The following SLC5A6 variants were observed in gnomAD, a reference collection of about 807,000 sequenced individuals.
SLC5A6 encodes the protein solute carrier family 5 member 6.
Under a neutral mutation model 67.9 loss-of-function variants are expected in SLC5A6, and 31 were observed. That is an observed-to-expected ratio of 0.46 (90% confidence interval 0.34 to 0.62). The LOEUF (loss-of-function observed/expected upper bound fraction) is 0.62, where lower values mean the gene tolerates loss of function less well. Ranked by LOEUF, SLC5A6 falls within the 20% of genes least tolerant of loss-of-function variation. The pLI is 0.01. For missense variants in SLC5A6, 673 were observed against 812.8 expected (o/e 0.83, Z 2.09); for synonymous variants, 343 against 331.0 (o/e 1.04, Z -0.39).
intron 16 of SLC5A6, 25 bp from the exon 17 acceptor site, chr2:27,200,604 G>A (rs1218364289): frequency 1.9e-6 from 3 of 1,601,090 alleles, no homozygotes; most frequent in East Asian, 2.2e-5. Context: ...CCAAAGGGGT[G>A]GAACTGGTGA....
chr2:27,212,247 G>A lies in SLC5A6; in HGVS notation c.-435C>T, dbSNP rs780271572. 5 of 1,560,722 alleles carry A rather than the reference G, an allele frequency of 3.2e-6. No homozygotes were observed. The highest frequency in any genetic ancestry group is 3.5e-4 in the Middle Eastern group (2 of 5,764). On this transcript the variant is annotated 5_prime_UTR_variant, in exon 1 of 17. Coordinates refer to ENST00000310574, the MANE Select transcript of SLC5A6 (RefSeq NM_021095.4). ...CTCCACGAGCAGGAAAAGCCCCCAA[G>A]CAGCCCCAGGGCGACTGGACCGGGC...
At chr2:27,212,318 G>C (rs201210592), upstream of SLC5A6, 3 of 1,549,188 alleles carry the variant, frequency 1.9e-6, no homozygotes, top group South Asian at 1.2e-5. Flanking sequence ...GCTGCGGGGC[G>C]GGGCCGCGGG....
chr2:27,201,961 G>A (rs778821154), intron 13 of SLC5A6, 27 bp downstream of exon 13: 1 of 1,608,064 alleles, frequency 6.2e-7, no homozygotes, highest in South Asian at 1.1e-5. Flanking sequence ...TGCTACACAT[G>A]ACTGTGGATC....
chr2:27,204,728 A>G (rs755092651), intron 8 of SLC5A6, 63 bp downstream of exon 8: 12 of 1,607,040 alleles, frequency 7.5e-6, no homozygotes, highest in African/African-American at 2.7e-5. Flanking sequence ...CCCCACCCCA[A>G]TTATCTCTGG....
chr2:27,202,855 T>C lies in SLC5A6; in HGVS notation c.1233A>G (p.Leu411=). 1.9e-6 allele frequency: 3 copies of C among 1,613,970 alleles called. No individual in the cohort carries two copies. Among genetic ancestry groups the C allele is most frequent in the Middle Eastern group, 1.7e-4 (1 of 6,060 alleles). ...GLAFGYGLLC[L]GMAYISSQMG... ...TCTGGGAGGAAATATAGGCCATTCC[T>C]AGACAAAGCAGCCCATAGCCAAAGG... Residue 411 remains leucine (L), a synonymous_variant, in exon 12 of 17, where the codon CTA becomes CTG. Transcript: ENST00000310574.
chr2:27,201,496 G>C (rs779357206), intron 14 of SLC5A6, 43 bp from the exon 15 acceptor site: 1 of 1,417,916 alleles, frequency 7.1e-7, no homozygotes, highest in Non-Finnish European at 1.0e-6. Context: ...TTCGTTGGCA[G>C]GGCATTCCTT....
chr2:27,205,411 C>G lies in SLC5A6; in HGVS notation c.673G>C (p.Val225Leu), dbSNP rs1673983998. 4 of 1,614,160 alleles carry G rather than the reference C, an allele frequency of 2.5e-6. No homozygotes were observed. The East Asian group carries it at 6.7e-5, about 27-fold the overall frequency. Residue 225 changes from valine (V) to leucine (L), a missense_variant, in exon 7 of 17, where the codon GTG becomes CTG. Physicochemically the swap from Val to Leu is conservative, Grantham distance 32. Transcript: ENST00000310574. ...GCCCACACACGCCCCAAGCCGCCCA[C>G]CTTGGCTGACCCCACAATGATAACT... is the stretch of plus-strand genomic sequence containing the variant. ...LAVIIVGSAK[V>L]GGLGRVWAVA...
In SLC5A6 at chr2:27,202,503, C is replaced by CA. The variant is rs10638396; in HGVS notation, c.1275+309dup. ...TGAGCAACAGAATGAGACTCTGTCT[C>CA]AAAAAAAAAAAAAAAAAAAAAAGAA... On this transcript the variant is annotated intron_variant, in intron 12 of 16. Coordinates refer to ENST00000310574, the MANE Select transcript of SLC5A6 (RefSeq NM_021095.4). 5.0e-4 allele frequency among the ~76,000 whole-genome samples: 36 copies of CA among 72,292 alleles called. 2 individuals are homozygous for CA. The highest frequency in any genetic ancestry group is 6.1e-4 in the Non-Finnish European group (26 of 42,740). 47.4% of individuals were successfully genotyped at this position (72,292 alleles called of 152,430 possible). A position where few individuals can be genotyped will look rare whatever the true frequency, so the allele number is the denominator to read the frequency against.
intron 16 of SLC5A6, 87 bp downstream of exon 16, chr2:27,200,911 G>C: frequency 1.2e-6 from 1 of 847,590 alleles, no homozygotes; most frequent in Non-Finnish European, 1.9e-6. Context: ...GGGGCAGGGG[G>C]AGAGAAAAGG....
upstream of SLC5A6, chr2:27,212,393 C>A: frequency 6.4e-7 from 1 of 1,551,070 alleles, no homozygotes; most frequent in Non-Finnish European, 8.7e-7. Flanking sequence ...CCCGGGTAGT[C>A]TTACGACCCT....
chr2:27,203,317 C>T lies in SLC5A6; in HGVS notation c.1123G>A (p.Ala375Thr). The T allele has an allele frequency of 2.5e-6, 4 of 1,613,960 alleles. No individual in the cohort carries two copies. Among genetic ancestry groups the T allele is most frequent in the Middle Eastern group, 1.6e-4 (1 of 6,062 alleles). ...STISSAFNSL[A>T]TVTMEDLIRP... ...ATCAGGTCTTCCATCGTAACAGTTG[C>T]CAATGAATTAAAAGCAGAGGATATA... The change falls in exon 11 of 17, where the codon GCA (alanine) becomes ACA (threonine). Residue 375 changes from alanine to threonine, a missense_variant. Ala to Thr is a moderately conservative substitution (Grantham distance 58, BLOSUM62 0). Transcript: ENST00000310574.
intron 7 of SLC5A6, 162 bp from the exon 8 acceptor site, chr2:27,205,093 C>A: frequency 1.2e-6 from 1 of 803,470 alleles, no homozygotes; most frequent in East Asian, 2.6e-5. Flanking sequence ...GACAGCACAG[C>A]CAGTTAGAGG....
At chr2:27,206,253 CAA>C (rs1334051630) in intron 5 of SLC5A6, 160 bp from the exon 6 acceptor site, 1 of 727,978 alleles carries the variant, frequency 1.4e-6, no homozygotes, top group African/African-American at 1.8e-5. Context: ...AGAGCTCCAC[CAA>C]AAGATATTGA....
intron 11 of SLC5A6, 82 bp from the exon 12 acceptor site, chr2:27,202,962 CA>C: frequency 6.3e-7 from 1 of 1,577,946 alleles, no homozygotes; most frequent in Non-Finnish European, 8.6e-7. Context: ...CCTGCCCAGC[CA>C]AACTACCACC....
At position 27,201,098 on chromosome 2, in the gene SLC5A6, C is replaced by T. The variant is rs578154608; in HGVS notation, c.1664G>A (p.Arg555Gln). The change falls in exon 16 of 17, where the codon CGG becomes CAG. Residue 555 changes from arginine (R) to glutamine (Q), a missense_variant. By Grantham distance (43) the Arg-to-Gln change is conservative. Transcript: ENST00000310574. The stretch of plus-strand genomic sequence containing the variant: ...GTAAATGGTTGCAGGGTTCAGGGAC[C>T]GGCCTCGCATTCTCCCTGAATGGAA... ...VSLLTGRMRG[R>Q]SLNPATIYPV... 17 of 1,612,318 alleles carry T rather than the reference C, an allele frequency of 1.1e-5. No individual in the cohort carries two copies. Among genetic ancestry groups the T allele is most frequent in the East Asian group, 2.2e-5 (1 of 44,870 alleles).
intron 1 of SLC5A6, 182 bp from the exon 2 acceptor site, chr2:27,211,715 G>C (rs932021139): frequency 6.1e-6 from 1 of 163,290 alleles, no homozygotes; most frequent in African/African-American, 2.4e-5. Context: ...CCTCACCCTC[G>C]TTCTTTCTCG....
chr2:27,206,193 G>A (rs1029630701), intron 5 of SLC5A6, 100 bp from the exon 6 acceptor site: 55 of 990,822 alleles, frequency 5.6e-5, no homozygotes, highest in South Asian at 4.8e-4. Flanking sequence ...TAAAGCATTG[G>A]TCATTAACAA....
At chr2:27,203,430 G>C in intron 10 of SLC5A6, 85 bp from the exon 11 acceptor site, 1 of 1,203,048 alleles carries the variant, frequency 8.3e-7, no homozygotes, top group Non-Finnish European at 1.2e-6. Flanking sequence ...GTGTCCTAAA[G>C]CGGGGAGATG....
chr2:27,200,282 C>A lies in SLC5A6; in HGVS notation c.*154G>T, dbSNP rs537794663. On this transcript the variant is annotated 3_prime_UTR_variant, in exon 17 of 17. Coordinates refer to ENST00000310574, the MANE Select transcript of SLC5A6 (RefSeq NM_021095.4). ...GCTTGAGATGTGACAGCTTCTCCTG[C>A]AGGCAAGAACCTCTCAGAACAAGGT... 1.1e-5 allele frequency: 7 copies of A among 619,026 alleles called. No individual in the cohort carries two copies. The highest frequency in any genetic ancestry group is 1.5e-5 in the Non-Finnish European group (6 of 390,536). 38.3% of individuals were successfully genotyped at this position (619,026 alleles called of 1,614,324 possible). A position where few individuals can be genotyped will look rare whatever the true frequency, so the allele number is the denominator to read the frequency against.
Sources: allele counts gnomAD v4.1 joint callset (sites outside exome capture counted in the v4.1 genomes callset), GRCh38; gene constraint gnomAD v4.1.1; transcripts MANE v1.5; gene names NCBI Gene and HGNC (gene_info 2026-07-23, HGNC 2026-07-21).